The following DSCAM variants were observed in gnomAD, a reference collection of about 807,000 sequenced individuals.
The protein encoded by DSCAM is cell adhesion molecule DSCAM.
Under a neutral mutation model 217.7 loss-of-function variants are expected in DSCAM, and 47 were observed. The ratio of observed to expected loss-of-function variants is 0.22; its 90% CI spans 0.17 to 0.28. The LOEUF is 0.28. Ranked by LOEUF, DSCAM falls within the 10% of genes least tolerant of loss-of-function variation. The probability of loss-of-function intolerance (pLI) is 1.00; values close to 1 mark genes in which losing one functional copy is unlikely to be tolerated. For missense variants in DSCAM, 2,080 were observed against 2,618.3 expected (o/e 0.79, Z 4.49); for synonymous variants, 1,056 against 1,015.3 (o/e 1.04, Z -0.76).
intron 6 of DSCAM, among the ~76,000 whole-genome samples, chr21:40,343,429 A>ATGCCACTCATTAGGT (rs2074521205): frequency 6.6e-6 from 1 of 152,178 alleles, no homozygotes; most frequent in African/African-American, 2.4e-5. Context: ...ATTGTTCAGG[A>ATGCCACTCATTAGGT]TGCCACTCAT....
chr21:40,678,600 G>A (rs1380351014), intron 3 of DSCAM, among the ~76,000 whole-genome samples: 1 of 152,028 alleles, frequency 6.6e-6, no homozygotes, highest in African/African-American at 2.4e-5. Context: ...CCTTTCCAGG[G>A]CTCCAGTATC....
intron 3 of DSCAM, among the ~76,000 whole-genome samples, chr21:40,599,876 G>C (rs997233194): frequency 8.5e-5 from 13 of 152,190 alleles, no homozygotes; most frequent in Middle Eastern, 3.4e-3. Context: ...TAAATTCCTG[G>C]ACACATACAC....
At position 40,144,869 on chromosome 21, in the gene DSCAM, C is replaced by T. The variant is rs2090336507; in HGVS notation, c.3019-138G>A. The T allele has an allele frequency of 9.0e-6, 11 of 1,223,332 alleles. No individual in the cohort carries two copies. Among genetic ancestry groups the T allele is most frequent in the African/African-American group, 3.0e-5 (2 of 66,156 alleles). 75.8% of individuals were successfully genotyped at this position (1,223,332 alleles called of 1,614,324 possible). On this transcript the variant is annotated intron_variant, in intron 16 of 32. Coordinates refer to ENST00000400454, the MANE Select transcript of DSCAM (RefSeq NM_001389.5). The surrounding 1 kb of genome is among the most constrained non-coding windows in gnomAD (Gnocchi z 4.8). Reference sequence around the variant, plus strand: ...GCTGGGGCGGTGGTCCGGTAGCAGCCGCAAACCCACGTACAGTGCAACTTG... The same window carrying T: ...GCTGGGGCGGTGGTCCGGTAGCAGCTGCAAACCCACGTACAGTGCAACTTG...
intron 11 of DSCAM, among the ~76,000 whole-genome samples, chr21:40,260,720 G>GT (rs1332855466): frequency 6.6e-6 from 1 of 152,206 alleles, no homozygotes; most frequent in Non-Finnish European, 1.5e-5. Context: ...TTTCAGCTGA[G>GT]TTTGCAATAA....
intron 3 of DSCAM, among the ~76,000 whole-genome samples, chr21:40,418,914 A>AT (rs913172306): frequency 1.3e-5 from 2 of 152,072 alleles, no homozygotes; most frequent in African/African-American, 2.4e-5. Flanking sequence ...TATTCAACCT[A>AT]TTTTTTTCCA....
intron 3 of DSCAM, among the ~76,000 whole-genome samples, chr21:40,615,670 C>T (rs2089383623): frequency 6.6e-6 from 1 of 151,996 alleles, no homozygotes; most frequent in African/African-American, 2.4e-5. Context: ...AGCAGGGTAC[C>T]TCAGACCACA....
At chr21:40,813,266 A>G (rs2091854210) in intron 1 of DSCAM, among the ~76,000 whole-genome samples, 1 of 152,214 alleles carries the variant, frequency 6.6e-6, no homozygotes. Flanking sequence ...CCTAAAAACC[A>G]TGGTTGGGCA....
At chr21:40,754,755 A>C (rs1251454492) in intron 1 of DSCAM, among the ~76,000 whole-genome samples, 1 of 152,210 alleles carries the variant, frequency 6.6e-6, no homozygotes, top group Admixed American at 6.5e-5. Context: ...CAGCACCTGC[A>C]ACACCACCGC....
intron 3 of DSCAM, among the ~76,000 whole-genome samples, chr21:40,457,594 G>T (rs1238569176): frequency 6.6e-6 from 1 of 152,008 alleles, no homozygotes; most frequent in African/African-American, 2.4e-5. Context: ...TACAGAGTTA[G>T]CCATTATAAA....
intron 3 of DSCAM, among the ~76,000 whole-genome samples, chr21:40,604,447 T>C (rs930724372): frequency 2.6e-5 from 4 of 152,234 alleles, no homozygotes; most frequent in African/African-American, 9.6e-5. Context: ...ATGCTTATTC[T>C]GTCTCTTCAT....
At chr21:40,017,504 T>C (rs2088179749) in intron 32 of DSCAM, among the ~76,000 whole-genome samples, 1 of 152,094 alleles carries the variant, frequency 6.6e-6, no homozygotes, top group South Asian at 2.1e-4. Flanking sequence ...GGCTTCCTAC[T>C]GTCAACTGGA....
chr21:40,780,086 G>A (rs1601249558), intron 1 of DSCAM, among the ~76,000 whole-genome samples: 2 of 152,098 alleles, frequency 1.3e-5, no homozygotes, highest in Admixed American at 6.5e-5. Context: ...TATAACAATC[G>A]CAGATGTAGA....
At chr21:40,517,530 G>A (rs2076312856) in intron 3 of DSCAM, among the ~76,000 whole-genome samples, 1 of 151,802 alleles carries the variant, frequency 6.6e-6, no homozygotes, top group African/African-American at 2.4e-5. Context: ...TTTCACACAA[G>A]GTTGACTCAG....
intron 25 of DSCAM, among the ~76,000 whole-genome samples, chr21:40,079,807 G>A (rs2297260): frequency 0.28 from 30,940 of 111,212 alleles, 3,299 homozygotes; most frequent in Middle Eastern, 0.46. Flanking sequence ...AGGAAGGTGG[G>A]AGCAAGGGTG....
chr21:40,406,871 G>A (rs552183757), intron 3 of DSCAM, among the ~76,000 whole-genome samples: 3 of 152,018 alleles, frequency 2.0e-5, no homozygotes, highest in African/African-American at 7.3e-5. Context: ...CACCTGCCTC[G>A]ACCTCCCAGA....
At chr21:40,793,990 A>T (rs184270956) in intron 1 of DSCAM, among the ~76,000 whole-genome samples, 53 of 152,302 alleles carry the variant, frequency 3.5e-4, no homozygotes, top group Non-Finnish European at 4.7e-4. Context: ...CTGATTTTTT[A>T]AAAAATTTTC....
At chr21:40,648,973 C>T (rs1171762289) in intron 3 of DSCAM, among the ~76,000 whole-genome samples, 1 of 152,154 alleles carries the variant, frequency 6.6e-6, no homozygotes, top group Non-Finnish European at 1.5e-5. Flanking sequence ...GGGGTGCCTC[C>T]AATGGCAGGC....
intron 3 of DSCAM, among the ~76,000 whole-genome samples, chr21:40,403,367 A>G (rs1177995939): frequency 6.6e-6 from 1 of 150,872 alleles, no homozygotes; most frequent in African/African-American, 2.4e-5. Flanking sequence ...ATGCAATCTC[A>G]GCTCATTGCA....
chr21:40,438,493 T>C (rs1167933564), intron 3 of DSCAM, among the ~76,000 whole-genome samples: 1 of 152,182 alleles, frequency 6.6e-6, no homozygotes, highest in African/African-American at 2.4e-5. Context: ...TTATACACTT[T>C]TGTAAGCCTC....
Sources: allele counts gnomAD v4.1 joint callset (sites outside exome capture counted in the v4.1 genomes callset), GRCh38; gene constraint gnomAD v4.1.1; non-coding constraint Gnocchi (gnomAD v3.1); transcripts MANE v1.5; gene names NCBI Gene and HGNC (gene_info 2026-07-23, HGNC 2026-07-21).